COL22A1: variants seen among roughly 807,000 people sequenced by gnomAD.
COL22A1 encodes collagen type XXII alpha 1 chain.
A neutral mutation model predicts 248.9 loss-of-function variants in COL22A1; 221 were observed. The observed-to-expected ratio is 0.89, with a 90% CI of 0.80 to 0.99. COL22A1 has a LOEUF of 0.99. COL22A1 is among the 50% of genes least tolerant of loss of function. The pLI is 0.00. For missense variants in COL22A1, 2,240 were observed against 2,179.0 expected (o/e 1.03, Z -0.56); for synonymous variants, 891 against 793.4 (o/e 1.12, Z -2.07).
intron 9 of COL22A1, among the ~76,000 whole-genome samples, chr8:138,808,662 T>C (rs940859299): frequency 2.0e-5 from 3 of 152,186 alleles, no homozygotes; most frequent in East Asian, 3.9e-4. Context: ...TTTATAGATA[T>C]AAATATCACC....
rs7825031 is a variant in COL22A1 at position 138,722,861 on chromosome 8, T to A, written c.2248-772A>T. Among the ~76,000 whole-genome samples the A allele has an allele frequency of 4.1e-3, 74 of 18,224 alleles. 3 individuals carry two copies. Among genetic ancestry groups the A allele is most frequent in the Middle Eastern group, 0.11 (2 of 18 alleles). The allele number at this position is 18,224 out of a possible 152,430, so 12.0% of individuals were successfully genotyped here. ...GGGTCACATGGGGGCGGGGGGGGGG[T>A]GGTGGAAAACACACCCTGGGGCCTG... On this transcript the variant is annotated intron_variant, in intron 25 of 64. Transcript: ENST00000303045.
chr8:138,833,830 C>T (rs1820232875), intron 4 of COL22A1, among the ~76,000 whole-genome samples: 1 of 152,070 alleles, frequency 6.6e-6, no homozygotes, highest in African/African-American at 2.4e-5. Context: ...GGGGTTTGAT[C>T]CTGAGCGGCC....
intron 18 of COL22A1, among the ~76,000 whole-genome samples, chr8:138,758,962 C>G (rs184653534): frequency 3.3e-5 from 5 of 152,160 alleles, no homozygotes; most frequent in African/African-American, 1.2e-4. Flanking sequence ...GACTTCAAGG[C>G]TCATTCCCTC....
intron 60 of COL22A1, 149 bp from the exon 61 acceptor site, chr8:138,599,047 A>C: frequency 1.4e-6 from 1 of 734,844 alleles, no homozygotes; most frequent in Non-Finnish European, 2.4e-6. Context: ...TGGGGTGAGA[A>C]GAGCCCCAGA....
intron 47 of COL22A1, 149 bp downstream of exon 47, chr8:138,646,480 G>C: frequency 1.9e-6 from 1 of 529,200 alleles, no homozygotes; most frequent in Non-Finnish European, 3.2e-6. Flanking sequence ...TGGTCAATAG[G>C]ATAGTCAGTG....
At chr8:138,706,263 A>T (rs1325880822) in intron 30 of COL22A1, among the ~76,000 whole-genome samples, 3 of 152,222 alleles carry the variant, frequency 2.0e-5, no homozygotes, top group African/African-American at 7.2e-5. Context: ...CTAGTACTTG[A>T]ACTCAGCTCT....
intron 16 of COL22A1, among the ~76,000 whole-genome samples, chr8:138,769,356 C>T (rs574147905): frequency 6.6e-6 from 1 of 152,294 alleles, no homozygotes; most frequent in African/African-American, 2.4e-5. Flanking sequence ...AGGCAGCTCC[C>T]ACCCACCCAA....
rs190308261 is a variant in COL22A1 at position 138,667,172 on chromosome 8, A to G, written c.3151-3432T>C. The stretch of plus-strand genomic sequence containing the variant: ...TCTGAAGCTCAAATATGTTTTCAAC[A>G]ATTACAACCCTCTTCTCTGAAATTA... On this transcript the variant is annotated intron_variant, in intron 41 of 64. Coordinates refer to ENST00000303045, the MANE Select transcript of COL22A1 (RefSeq NM_152888.3). 3.0e-4 allele frequency among the ~76,000 whole-genome samples: 45 copies of G among 152,340 alleles called. No individual in the cohort carries two copies. The East Asian group carries it at 7.9e-3, about 27-fold the overall frequency.
At chr8:138,883,309 G>T in intron 1 of COL22A1, 65 bp from the exon 2 acceptor site, 1 of 881,568 alleles carries the variant, frequency 1.1e-6, no homozygotes, top group Non-Finnish European at 1.7e-6. Context: ...GGCAAACTCT[G>T]GGCCCTGCCC....
intron 32 of COL22A1, among the ~76,000 whole-genome samples, chr8:138,695,797 AAGG>A (rs1206155694): frequency 6.6e-6 from 1 of 151,920 alleles, no homozygotes; most frequent in East Asian, 2.0e-4. Context: ...CATATGGAAC[AAGG>A]AGAAGATGAG....
chr8:138,883,997 C>T (rs1476876976), intron 1 of COL22A1, among the ~76,000 whole-genome samples: 1 of 152,176 alleles, frequency 6.6e-6, no homozygotes, highest in African/African-American at 2.4e-5. Flanking sequence ...CTCACTCCCC[C>T]ACCATGCTGC....
At chr8:138,613,247 CAA>C (rs35361699) in intron 56 of COL22A1, among the ~76,000 whole-genome samples, 142 of 124,306 alleles carry the variant, frequency 1.1e-3, no homozygotes, top group Middle Eastern at 4.2e-3. Flanking sequence ...GACTCCGTTT[CAA>C]AAAAAAAAAA....
chr8:138,831,017 G>A (rs754189911), intron 5 of COL22A1, among the ~76,000 whole-genome samples: 26 of 152,102 alleles, frequency 1.7e-4, no homozygotes, highest in Non-Finnish European at 3.2e-4. Context: ...GGCTGACAGC[G>A]ATTATTGTCT....
At chr8:138,632,041 T>C (rs1192095090) in intron 49 of COL22A1, among the ~76,000 whole-genome samples, 1 of 152,186 alleles carries the variant, frequency 6.6e-6, no homozygotes, top group Non-Finnish European at 1.5e-5. Context: ...TTTAGACAAA[T>C]TCACACATGT....
At chr8:138,650,148 T>C (rs1359973316) in intron 45 of COL22A1, among the ~76,000 whole-genome samples, 1 of 152,156 alleles carries the variant, frequency 6.6e-6, no homozygotes, top group Non-Finnish European at 1.5e-5. Context: ...AAACATTTAG[T>C]ATTACTAAAA....
At chr8:138,861,757 A>G (rs1822474893) in intron 3 of COL22A1, among the ~76,000 whole-genome samples, 1 of 152,202 alleles carries the variant, frequency 6.6e-6, no homozygotes, top group African/African-American at 2.4e-5. Flanking sequence ...AGTGAACTTA[A>G]AGCACAGTAA....
chr8:138,849,198 C>A (rs1563841274), intron 3 of COL22A1, among the ~76,000 whole-genome samples: 1 of 152,222 alleles, frequency 6.6e-6, no homozygotes, highest in Non-Finnish European at 1.5e-5. Context: ...GACTGAGCGC[C>A]CGCGTGGCTA....
chr8:138,826,400 T>C (rs1819583218), intron 6 of COL22A1, among the ~76,000 whole-genome samples: 1 of 152,128 alleles, frequency 6.6e-6, no homozygotes, highest in Non-Finnish European at 1.5e-5. Flanking sequence ...AGACCAAGTG[T>C]CTTGGAGGAC....
chr8:138,689,070 T>C (rs931895366), intron 36 of COL22A1, 100 bp from the exon 37 acceptor site: 1 of 915,712 alleles, frequency 1.1e-6, no homozygotes, highest in Non-Finnish European at 1.8e-6. Flanking sequence ...CCCCCTGAAG[T>C]CAACGACTAC....
Sources: allele counts gnomAD v4.1 joint callset (sites outside exome capture counted in the v4.1 genomes callset), GRCh38; gene constraint gnomAD v4.1.1; transcripts MANE v1.5; gene names NCBI Gene and HGNC (gene_info 2026-07-23, HGNC 2026-07-21).